Variants in TMEM223 observed in about 807,000 individuals in gnomAD.
The protein encoded by TMEM223 is transmembrane protein 223.
A neutral mutation model predicts 14.1 loss-of-function variants in TMEM223; 14 were observed. The ratio of observed to expected loss-of-function variants is 0.99; its 90% CI spans 0.66 to 1.55. TMEM223 has a LOEUF of 1.55. Ranked by LOEUF, TMEM223 falls within the 40% of genes most tolerant of loss-of-function variation. TMEM223 has a pLI of 0.00. For synonymous variants in TMEM223, 145 were observed against 120.5 expected (o/e 1.20, Z -1.33); for missense variants, 346 against 269.9 (o/e 1.28, Z -1.97).
Position 62,790,125 on chromosome 11 carries a change from A to G in TMEM223, c.*498T>C. 1.8e-6 allele frequency: 1 copy of G among 542,904 alleles called. No individual in the cohort carries two copies. Among genetic ancestry groups the G allele is most frequent in the Non-Finnish European group, 3.0e-6 (1 of 336,876 alleles). 33.6% of individuals were successfully genotyped at this position (542,904 alleles called of 1,614,324 possible). ...AATCCCCCCCCTCAAGGCCCTGTTT[A>G]TGTTGGGAGTCTTAGTTTTCCTTTC... On this transcript the variant is annotated 3_prime_UTR_variant, in exon 2 of 2. Transcript: ENST00000307366.
chr11:62,786,502 C>T, downstream of TMEM223: 4 of 1,566,936 alleles, frequency 2.6e-6, no homozygotes, highest in Non-Finnish European at 3.5e-6. Context: ...CTATCTTAGT[C>T]CTTGGCTCTT....
downstream of TMEM223, chr11:62,782,704 A>G: frequency 6.2e-7 from 1 of 1,612,014 alleles, no homozygotes; most frequent in Non-Finnish European, 8.5e-7. Context: ...ACTCATGGGG[A>G]CCTTGTAAGT....
downstream of TMEM223, chr11:62,787,743 A>G: frequency 1.5e-6 from 1 of 673,996 alleles, no homozygotes; most frequent in East Asian, 2.7e-5. Flanking sequence ...CCCTCGCCAA[A>G]GGGACGGGTC....
downstream of TMEM223, among the ~76,000 whole-genome samples, chr11:62,788,676 CAAAA>C (rs5792270): frequency 8.2e-6 from 1 of 122,406 alleles, no homozygotes; most frequent in African/African-American, 3.2e-5. Flanking sequence ...TGCACTCCAG[CAAAA>C]AAAAAAAAAA....
At chr11:62,788,106 A>G (rs2084310147), downstream of TMEM223, among the ~76,000 whole-genome samples, 1 of 152,062 alleles carries the variant, frequency 6.6e-6, no homozygotes, top group South Asian at 2.1e-4. Flanking sequence ...ACACCATGAG[A>G]AAACCTCAGA....
At position 62,791,801 on chromosome 11, in the gene TMEM223, G is replaced by A. The variant is rs948472217; in HGVS notation, c.194C>T (p.Ala65Val). 6 of 1,577,370 alleles carry A rather than the reference G, an allele frequency of 3.8e-6. No homozygotes were observed. The African/African-American group carries it at 6.7e-5, about 18-fold the overall frequency. Reference protein sequence around the residue: ...QGVFWASMAVAAVSRPPVPVQ... With the variant: ...QGVFWASMAVVAVSRPPVPVQ... ...CGGAACCGGGGGCCGGGACACGGCT[G>A]CCACAGCCATGGAAGCCCAGAAGAC... Residue 65 changes from alanine (A) to valine (V), a missense_variant, in exon 1 of 2, where the codon GCA becomes GTA. Coordinates refer to ENST00000307366, the MANE Select transcript of TMEM223 (RefSeq NM_001080501.3).
chr11:62,776,526 C>A, intron 1 of TMEM223: 2 of 1,550,296 alleles, frequency 1.3e-6, no homozygotes, highest in Non-Finnish European at 1.8e-6. Context: ...CTTCCATGTC[C>A]AGTTCAGGGC....
At chr11:62,791,000 T>C in intron 1 of TMEM223, 85 bp from the exon 2 acceptor site, 1 of 1,393,042 alleles carries the variant, frequency 7.2e-7, no homozygotes, top group Non-Finnish European at 9.5e-7. Flanking sequence ...AATAAGAAAT[T>C]TGTGGGATGA....
chr11:62,786,648 C>T (rs763884274), downstream of TMEM223: 2 of 1,604,456 alleles, frequency 1.2e-6, no homozygotes, highest in Non-Finnish European at 1.7e-6. Context: ...AGTCGTCCTC[C>T]GGGGGCGGTG....
At position 62,781,662 on chromosome 11, in the gene TMEM223, C is replaced by CAAAAA. The variant is rs58932683; in HGVS notation, c.315-7002_315-6998dup. ...TGGGCGACAGAGCGAGACTCGGTCT[C>CAAAAA]AAAAAAAAAAAAAAAAGTTGGACAT... On this transcript the variant is annotated intron_variant, in intron 1 of 2. Coordinates refer to the TMEM223 transcript ENST00000528367. 6.0e-3 allele frequency: 1,892 copies of CAAAAA among 313,020 alleles called. 6 individuals carry two copies. Among genetic ancestry groups the CAAAAA allele is most frequent in the Middle Eastern group, 7.5e-3 (7 of 936 alleles). 19.4% of individuals were successfully genotyped at this position (313,020 alleles called of 1,614,324 possible).
chr11:62,783,574 G>A (rs1432160805), downstream of TMEM223, among the ~76,000 whole-genome samples: 11 of 146,254 alleles, frequency 7.5e-5, no homozygotes, highest in African/African-American at 1.5e-4. Flanking sequence ...TGCTCTTGTC[G>A]CCCAGGCTAG....
chr11:62,791,678 C>A lies in TMEM223; in HGVS notation c.316+1G>T, dbSNP rs565070658. ...CAGTGGGAAGCCAGCCCACGTCTTA[C>A]CGATGGCGCCGCAGCCGACGGCCAG... On this transcript the variant is annotated splice_donor_variant, in intron 1 of 1. Transcript: ENST00000307366. LOFTEE classifies it high-confidence loss of function. 2.0e-6 allele frequency: 3 copies of A among 1,529,458 alleles called. No homozygotes were observed. Among genetic ancestry groups the A allele is most frequent in the Admixed American group, 4.0e-5 (2 of 50,212 alleles). 94.7% of individuals were successfully genotyped at this position (1,529,458 alleles called of 1,614,324 possible).
At chr11:62,791,052 T>C in intron 1 of TMEM223, 137 bp from the exon 2 acceptor site, 1 of 901,260 alleles carries the variant, frequency 1.1e-6, no homozygotes, top group South Asian at 1.9e-5. Context: ...AGACTGAGTC[T>C]CACTCTGCCG....
intron 1 of TMEM223, chr11:62,782,356 C>T (rs750577662): frequency 3.1e-6 from 5 of 1,607,754 alleles, no homozygotes; most frequent in Admixed American, 1.7e-5. Context: ...CCTAAACCTG[C>T]GGGTGGGATT....
downstream of TMEM223, chr11:62,789,878 T>C (rs776628126): frequency 6.2e-7 from 1 of 1,612,064 alleles, no homozygotes; most frequent in Non-Finnish European, 8.5e-7. Context: ...TGTCCCTGTC[T>C]CCTACAGACC....
chr11:62,785,514 C>T (rs895840332), downstream of TMEM223, among the ~76,000 whole-genome samples: 1 of 143,064 alleles, frequency 7.0e-6, no homozygotes, highest in Non-Finnish European at 1.5e-5. Context: ...ATAGGCCCAG[C>T]TGGTATTTTC....
At chr11:62,788,865 T>C (rs183223348), downstream of TMEM223, among the ~76,000 whole-genome samples, 31 of 152,256 alleles carry the variant, frequency 2.0e-4, no homozygotes, top group East Asian at 2.3e-3. Context: ...CAGCAGGCCC[T>C]CTCCATCAAT....
intron 1 of TMEM223, chr11:62,781,778 T>A: frequency 1.1e-6 from 1 of 900,316 alleles, no homozygotes; most frequent in South Asian, 1.4e-5. Context: ...TCAAAGAATA[T>A]GAACATTAAA....
chr11:62,790,125 A>C lies in TMEM223; in HGVS notation c.*498T>G. 7.4e-6 allele frequency: 4 copies of C among 542,890 alleles called. No individual in the cohort carries two copies. The highest frequency in any genetic ancestry group is 5.8e-5 in the East Asian group (1 of 17,364). 33.6% of individuals were successfully genotyped at this position (542,890 alleles called of 1,614,324 possible). A position where few individuals can be genotyped will look rare whatever the true frequency, so the allele number is the denominator to read the frequency against. ...AATCCCCCCCCTCAAGGCCCTGTTT[A>C]TGTTGGGAGTCTTAGTTTTCCTTTC... On this transcript the variant is annotated 3_prime_UTR_variant, in exon 2 of 2. Transcript: ENST00000307366.
Sources: gnomAD v4.1 joint callset for allele counts (sites outside exome capture counted in the v4.1 genomes callset) on GRCh38, gnomAD v4.1.1 for gene constraint, MANE v1.5 for transcripts, NCBI Gene and HGNC (gene_info 2026-07-23, HGNC 2026-07-21) for gene names.